CSMD1: variants seen among roughly 807,000 people sequenced by gnomAD.
The protein encoded by CSMD1 is CUB and sushi domain-containing protein 1.
CSMD1 carries 213 observed loss-of-function variants against 417.5 expected under a neutral mutation model. The observed-to-expected ratio is 0.51, with a 90% CI of 0.46 to 0.57. The LOEUF is 0.57. Among genes scored for constraint, CSMD1 ranks in the 20% least tolerant of loss-of-function variants. The probability of loss-of-function intolerance (pLI) is 0.00; values close to 1 mark genes in which losing one functional copy is unlikely to be tolerated. For missense variants in CSMD1, 6,923 were observed against 4,529.7 expected (o/e 1.53, Z -15.17); for synonymous variants, 2,862 against 1,736.8 (o/e 1.65, Z -16.11).
Position 4,699,514 on chromosome 8 carries a change from A to T in CSMD1, c.86-61956T>A, listed in dbSNP as rs2116809245. Among the ~76,000 whole-genome samples, 2 of 152,208 alleles carry T rather than the reference A, an allele frequency of 1.3e-5. 1 individual carries two copies. The highest frequency in any genetic ancestry group is 6.8e-3 in the Middle Eastern group (2 of 292). On this transcript the variant is annotated intron_variant, in intron 1 of 69. Transcript: ENST00000635120. ...AGAAAGTCAAAGCTGTACATCGAAC[A>T]CTCAGCTTATGTTCTTTTCTGTCTT...
Position 4,023,422 on chromosome 8 carries a change from T to C in CSMD1, c.610+8483A>G, listed in dbSNP as rs77803272. Among the ~76,000 whole-genome samples the C allele has an allele frequency of 9.9e-3, 1,512 of 152,250 alleles. 23 individuals are homozygous for C. The highest frequency in any genetic ancestry group is 0.058 in the East Asian group (298 of 5,170). On this transcript the variant is annotated intron_variant, in intron 4 of 69. Transcript: ENST00000635120. ...GTAATTCCAATTTCATTATGAATAATTGAGGCAAAGCCAGCACTCATCTAG... is the reference window on the plus strand; with the variant it reads ...GTAATTCCAATTTCATTATGAATAACTGAGGCAAAGCCAGCACTCATCTAG...
Position 3,289,002 on chromosome 8 carries a change from G to A in CSMD1, c.3951-4656C>T, listed in dbSNP as rs1194598606. Among the ~76,000 whole-genome samples, 5 of 139,872 alleles carry A rather than the reference G, an allele frequency of 3.6e-5. 2 individuals carry two copies. Among genetic ancestry groups the A allele is most frequent in the African/African-American group, 1.6e-4 (5 of 31,468 alleles). 91.8% of individuals were successfully genotyped at this position (139,872 alleles called of 152,430 possible). On this transcript the variant is annotated intron_variant, in intron 25 of 69. Transcript: ENST00000635120. ...TCCCCCTACCCCACAACAGTCCCCG[G>A]TGTGTGATGTTCCCCTTCCTGTGTC... is the stretch of plus-strand genomic sequence containing the variant.
intron 3 of CSMD1, among the ~76,000 whole-genome samples, chr8:4,200,713 C>G (rs1385174597): frequency 6.6e-6 from 1 of 152,094 alleles, no homozygotes; most frequent in Non-Finnish European, 1.5e-5. Context: ...AATTAAAAAA[C>G]TAGCCAGACA....
intron 10 of CSMD1, among the ~76,000 whole-genome samples, chr8:3,520,757 C>T (rs945597192): frequency 1.3e-5 from 2 of 151,988 alleles, no homozygotes; most frequent in South Asian, 4.2e-4. Context: ...ATGACACTTG[C>T]TTATCACCAG....
chr8:3,330,986 C>T (rs987319010), intron 23 of CSMD1, among the ~76,000 whole-genome samples: 1 of 152,096 alleles, frequency 6.6e-6, no homozygotes, highest in Non-Finnish European at 1.5e-5. Flanking sequence ...CGCGGTGGCT[C>T]ACGCCTGTAA....
chr8:4,569,000 T>C (rs1798753232), intron 2 of CSMD1, among the ~76,000 whole-genome samples: 1 of 152,202 alleles, frequency 6.6e-6, no homozygotes. Flanking sequence ...TCCTTATAAA[T>C]TCTGGATATT....
chr8:4,724,709 T>A (rs979005592), intron 1 of CSMD1, among the ~76,000 whole-genome samples: 2 of 152,132 alleles, frequency 1.3e-5, no homozygotes, highest in South Asian at 2.1e-4. Flanking sequence ...CTAAAAGATG[T>A]ATCTTGGTAA....
chr8:4,111,382 A>G (rs978539117), intron 3 of CSMD1, among the ~76,000 whole-genome samples: 3 of 152,194 alleles, frequency 2.0e-5, no homozygotes, highest in African/African-American at 4.8e-5. Flanking sequence ...ATGGAAATAA[A>G]CAGTATTAAA....
Position 4,059,278 on chromosome 8 carries a change from G to T in CSMD1, c.416-27179C>A, listed in dbSNP as rs924686406. On this transcript the variant is annotated intron_variant, in intron 3 of 69. Coordinates refer to ENST00000635120, the MANE Select transcript of CSMD1 (RefSeq NM_033225.6). ...AGACACAACATACCAGAATCTCTGG[G>T]ACACATTCAAAACACTGTGTAGAGT... Among the ~76,000 whole-genome samples, 53 of 152,076 alleles carry T rather than the reference G, an allele frequency of 3.5e-4. No homozygotes were observed. In the Middle Eastern group the frequency reaches 9.5e-3, roughly 27 times the overall value.
chr8:4,145,845 G>A (rs1167086207), intron 3 of CSMD1, among the ~76,000 whole-genome samples: 3 of 151,146 alleles, frequency 2.0e-5, no homozygotes, highest in Admixed American at 6.6e-5. Context: ...AAGCAGAGCC[G>A]TTCACACCAG....
intron 10 of CSMD1, among the ~76,000 whole-genome samples, chr8:3,550,765 A>G (rs1798875409): frequency 6.6e-6 from 1 of 152,196 alleles, no homozygotes; most frequent in African/African-American, 2.4e-5. Flanking sequence ...GGCTTGCACC[A>G]CATATTCCCA....
intron 2 of CSMD1, among the ~76,000 whole-genome samples, chr8:4,626,387 G>T (rs867638875): frequency 6.6e-6 from 1 of 151,910 alleles, no homozygotes; most frequent in African/African-American, 2.4e-5. Flanking sequence ...ACAGATATTG[G>T]TTATAAAGTA....
intron 1 of CSMD1, among the ~76,000 whole-genome samples, chr8:4,947,620 C>G (rs1808455712): frequency 6.6e-6 from 1 of 152,042 alleles, no homozygotes; most frequent in Non-Finnish European, 1.5e-5. Flanking sequence ...TTACGGCATT[C>G]TTCTTCCTCC....
intron 10 of CSMD1, among the ~76,000 whole-genome samples, chr8:3,541,071 C>A (rs546138551): frequency 6.6e-6 from 1 of 152,280 alleles, no homozygotes; most frequent in East Asian, 1.9e-4. Context: ...TATAAAGATA[C>A]ATGCACATGT....
intron 5 of CSMD1, among the ~76,000 whole-genome samples, chr8:3,940,142 G>C (rs1217307734): frequency 1.3e-5 from 2 of 151,986 alleles, no homozygotes; most frequent in African/African-American, 4.8e-5. Context: ...TACTATACAA[G>C]TTATTTTAAG....
chr8:3,816,154 G>C (rs768340821), intron 5 of CSMD1, among the ~76,000 whole-genome samples: 3 of 152,140 alleles, frequency 2.0e-5, no homozygotes, highest in Admixed American at 6.6e-5. Context: ...AAGAAAACAA[G>C]ATTGGATAAA....
intron 23 of CSMD1, among the ~76,000 whole-genome samples, chr8:3,313,556 A>C (rs569175072): frequency 6.6e-6 from 1 of 152,358 alleles, no homozygotes; most frequent in Admixed American, 6.5e-5. Flanking sequence ...TCAAAACCAC[A>C]ATAAGATACT....
intron 1 of CSMD1, among the ~76,000 whole-genome samples, chr8:4,677,986 G>C (rs62484568): frequency 0.084 from 12,816 of 152,248 alleles, 598 homozygotes; most frequent in Middle Eastern, 0.12. Context: ...TCCATGGTTT[G>C]ATGTCAGAGA....
At chr8:4,670,059 GA>G (rs1805198658) in intron 1 of CSMD1, among the ~76,000 whole-genome samples, 1 of 152,204 alleles carries the variant, frequency 6.6e-6, no homozygotes, top group South Asian at 2.1e-4. Context: ...AAACTCTGTA[GA>G]AAGGGAAGCT....
Sources: allele counts gnomAD v4.1 joint callset (sites outside exome capture counted in the v4.1 genomes callset), GRCh38; gene constraint gnomAD v4.1.1; transcripts MANE v1.5; gene names NCBI Gene and HGNC (gene_info 2026-07-23, HGNC 2026-07-21).